Variants in MRTFA observed in about 807,000 individuals in gnomAD.
MRTFA encodes myocardin-related transcription factor A.
In MRTFA, 20 loss-of-function variants were observed where a neutral mutation model predicts 83.5. The ratio of observed to expected loss-of-function variants is 0.24; its 90% CI spans 0.17 to 0.35. The LOEUF (loss-of-function observed/expected upper bound fraction) is 0.35. MRTFA is among the 10% of genes least tolerant of loss of function. MRTFA has a pLI of 1.00. For synonymous variants in MRTFA, 659 were observed against 541.2 expected (o/e 1.22, Z -3.02); for missense variants, 1,200 against 1,224.7 (o/e 0.98, Z 0.30).
chr22:40,576,030 T>C (rs1202784120), intron 2 of MRTFA, among the ~76,000 whole-genome samples: 1 of 145,330 alleles, frequency 6.9e-6, no homozygotes, highest in Non-Finnish European at 1.5e-5. Context: ...GTAAATTTCT[T>C]TTTTTTTTTT....
chr22:40,562,118 G>T (rs1201394516), intron 2 of MRTFA, among the ~76,000 whole-genome samples: 1 of 151,974 alleles, frequency 6.6e-6, no homozygotes, highest in Non-Finnish European at 1.5e-5. Context: ...TCAGGAGGCT[G>T]AGGCCGGAGA....
At chr22:40,547,859 A>G (rs2055389736) in intron 3 of MRTFA, among the ~76,000 whole-genome samples, 1 of 151,248 alleles carries the variant, frequency 6.6e-6, no homozygotes, top group East Asian at 1.9e-4. Flanking sequence ...CTCCCAAAAA[A>G]AAAAAAAAAA....
intron 3 of MRTFA, chr22:40,533,768 C>A: frequency 2.2e-6 from 1 of 449,406 alleles, no homozygotes; most frequent in South Asian, 1.2e-4. Flanking sequence ...GAGAATATCC[C>A]CTTCTCAGTG....
At chr22:40,513,602 C>CAAAAAAAAAAA (rs111580647) in intron 3 of MRTFA, among the ~76,000 whole-genome samples, 3 of 65,894 alleles carry the variant, frequency 4.6e-5, no homozygotes, top group Admixed American at 1.8e-4. Context: ...GACTCCATCT[C>CAAAAAAAAAAA]AAAAAAAAAA....
intron 6 of MRTFA, 140 bp downstream of exon 6, chr22:40,431,265 C>T (rs1406754057): frequency 4.1e-6 from 3 of 731,244 alleles, no homozygotes; most frequent in Admixed American, 2.1e-5. Context: ...GCACAGCTGT[C>T]GTACGGTGTT....
chr22:40,614,352 A>C (rs2056424283), intron 1 of MRTFA, among the ~76,000 whole-genome samples: 1 of 151,796 alleles, frequency 6.6e-6, no homozygotes. Context: ...TCAAGGTTGC[A>C]GTTAACTATG....
Position 40,410,425 on chromosome 22 carries a change from GC to G in MRTFA, c.*964del. ...GCCAGTGGCCCCAGGGCAGGAGATG[GC>G]CACCCCTCAGCCCCACCGCAGGGTG... On this transcript the variant is annotated 3_prime_UTR_variant, in exon 15 of 15. Transcript: ENST00000355630. 1 of 234,300 alleles carries G rather than the reference GC, an allele frequency of 4.3e-6. No individual in the cohort carries two copies. The highest frequency in any genetic ancestry group is 8.4e-6 in the Non-Finnish European group (1 of 118,808). 14.5% of individuals were successfully genotyped at this position (234,300 alleles called of 1,614,324 possible). A position where few individuals can be genotyped will look rare whatever the true frequency, so the allele number is the denominator to read the frequency against.
rs761501700 is a variant in MRTFA at position 40,420,603 on chromosome 22, C to G, written c.1182-27G>C. On this transcript the variant is annotated intron_variant, in intron 10 of 14. Coordinates refer to ENST00000355630, the MANE Select transcript of MRTFA (RefSeq NM_020831.6). ...TGGGAAGAAAAGGCAGAAATTAGCCCCATCCAGCTTCGCCCGTGGCCTCTG... is the reference window on the plus strand; with the variant it reads ...TGGGAAGAAAAGGCAGAAATTAGCCGCATCCAGCTTCGCCCGTGGCCTCTG... 1.7e-5 allele frequency: 28 copies of G among 1,609,400 alleles called. No individual in the cohort carries two copies. In the Admixed American group the frequency reaches 1.8e-4, roughly 11 times the overall value.
intron 2 of MRTFA, among the ~76,000 whole-genome samples, chr22:40,555,268 A>G (rs1041063705): frequency 6.6e-6 from 1 of 152,176 alleles, no homozygotes; most frequent in African/African-American, 2.4e-5. Context: ...TGACTCTGAT[A>G]TTTGTCCCAC....
At chr22:40,556,000 A>T (rs1173710861) in intron 2 of MRTFA, among the ~76,000 whole-genome samples, 3 of 152,184 alleles carry the variant, frequency 2.0e-5, no homozygotes, top group Admixed American at 1.3e-4. Context: ...AGCCACACTT[A>T]AGAAAAAGTA....
intron 3 of MRTFA, among the ~76,000 whole-genome samples, chr22:40,477,600 T>C (rs1235290189): frequency 1.3e-5 from 2 of 152,188 alleles, no homozygotes; most frequent in African/African-American, 2.4e-5. Context: ...AGATTACATA[T>C]GTTTCATTAG....
chr22:40,439,329 C>G (rs1010244544), intron 4 of MRTFA, among the ~76,000 whole-genome samples: 4 of 151,734 alleles, frequency 2.6e-5, no homozygotes, highest in Admixed American at 6.6e-5. Context: ...ATGGCAAAAC[C>G]ATGTCTCTAC....
chr22:40,585,460 ACAAGCTGAAAAGAGTTCTG>A (rs2056014540), intron 2 of MRTFA, among the ~76,000 whole-genome samples: 1 of 152,180 alleles, frequency 6.6e-6, no homozygotes, highest in Non-Finnish European at 1.5e-5. Flanking sequence ...TTTCCGTTTC[ACAAGCTGAAAAGAGTTCTG>A]GAGATGGATG....
At chr22:40,449,764 A>C (rs944594705) in intron 4 of MRTFA, among the ~76,000 whole-genome samples, 8 of 152,188 alleles carry the variant, frequency 5.3e-5, no homozygotes, top group African/African-American at 1.7e-4. Flanking sequence ...AAAGAGTTTT[A>C]ATTTCCTGGA....
At position 40,420,385 on chromosome 22, in the gene MRTFA, G is replaced by A. The variant is rs1256470681; in HGVS notation, c.1353+20C>T. ...AAGGGCCAGGCTGGCAGTGGCTCAA[G>A]TTTTCCAGTGGCCATGTACCTTCAT... On this transcript the variant is annotated intron_variant, in intron 11 of 14. Transcript: ENST00000355630. 9 of 1,607,004 alleles carry A rather than the reference G, an allele frequency of 5.6e-6. No homozygotes were observed. In the South Asian group the frequency reaches 9.9e-5, roughly 18 times the overall value.
At chr22:40,464,446 T>C (rs1482460186) in intron 3 of MRTFA, among the ~76,000 whole-genome samples, 1 of 149,944 alleles carries the variant, frequency 6.7e-6, no homozygotes, top group Admixed American at 6.6e-5. Context: ...ACTGCAGAGG[T>C]TGCAGTGAGC....
chr22:40,524,209 C>T (rs552829653), intron 3 of MRTFA, among the ~76,000 whole-genome samples: 1 of 152,228 alleles, frequency 6.6e-6, no homozygotes, highest in Admixed American at 6.5e-5. Flanking sequence ...GTGGGAGGAC[C>T]ACCTGAGCCT....
At chr22:40,616,920 G>T (rs1053355193) in intron 1 of MRTFA, among the ~76,000 whole-genome samples, 39 of 151,770 alleles carry the variant, frequency 2.6e-4, no homozygotes, top group African/African-American at 8.7e-4. Context: ...GCAACATGGT[G>T]AAACAAAAAA....
chr22:40,428,999 G>A (rs902876411), intron 7 of MRTFA, among the ~76,000 whole-genome samples: 1 of 152,114 alleles, frequency 6.6e-6, no homozygotes, highest in African/African-American at 2.4e-5. Context: ...ATGCAACCAG[G>A]TTGGGTGACC....
Sources: allele counts gnomAD v4.1 joint callset (sites outside exome capture counted in the v4.1 genomes callset), GRCh38; gene constraint gnomAD v4.1.1; transcripts MANE v1.5; gene names NCBI Gene and HGNC (gene_info 2026-07-23, HGNC 2026-07-21).